Variants in CCDC180 observed in about 807,000 individuals in gnomAD.
CCDC180 encodes the protein coiled-coil domain containing 180.
In CCDC180, 154 loss-of-function variants were observed where a neutral mutation model predicts 209.2. The observed-to-expected ratio is 0.74, with a 90% confidence interval of 0.65 to 0.84. CCDC180 has a LOEUF of 0.84. Among genes scored for constraint, CCDC180 ranks in the 40% least tolerant of loss-of-function variants. The pLI, the probability that CCDC180 is intolerant of heterozygous loss-of-function variation, is 0.00. For synonymous variants in CCDC180, 778 were observed against 749.1 expected, an observed-to-expected ratio of 1.04 and a Z score of -0.63; for missense variants, 1,874 against 1,997.3, an observed-to-expected ratio of 0.94 and a Z score of 1.18.
chr9:97,320,235 A>G, intron 11 of CCDC180, 30 bp downstream of exon 11: 1 of 1,585,128 alleles, frequency 6.3e-7, no homozygotes, highest in East Asian at 2.2e-5. Context: ...CTCCACCTGC[A>G]TTTCTCCAGA....
chr9:97,367,434 A>G (rs1826954275), intron 31 of CCDC180, among the ~76,000 whole-genome samples: 1 of 151,384 alleles, frequency 6.6e-6, no homozygotes, highest in Non-Finnish European at 1.5e-5. Context: ...ACCTTGGCCA[A>G]ATGATCTCAC....
At chr9:97,328,805 C>T (rs1825641156) in intron 16 of CCDC180, among the ~76,000 whole-genome samples, 1 of 152,198 alleles carries the variant, frequency 6.6e-6, no homozygotes, top group African/African-American at 2.4e-5. Flanking sequence ...TGGTTGCTGT[C>T]AAATACAGGA....
chr9:97,350,301 A>G, intron 21 of CCDC180, 108 bp from the exon 22 acceptor site: 1 of 1,101,866 alleles, frequency 9.1e-7, no homozygotes, highest in Non-Finnish European at 1.3e-6. Context: ...CATTATCGTG[A>G]CCGGCCCCTC....
Position 97,309,557 on chromosome 9 carries a change from G to T in CCDC180, c.213G>T (p.Met71Ile), listed in dbSNP as rs995494397. The T allele has an allele frequency of 3.1e-6, 5 of 1,593,066 alleles. No individual in the cohort carries two copies. Among genetic ancestry groups the T allele is most frequent in the Admixed American group, 1.8e-5 (1 of 56,270 alleles). Residue 71 changes from methionine (M) to isoleucine (I), a missense_variant, in exon 3 of 37, where the codon ATG (methionine) becomes ATT (isoleucine). Physicochemically the swap from Met to Ile is conservative, Grantham distance 10. Transcript: ENST00000529487. ...TGTCTCCCCGACAGCAGAAGTGGAT[G>T]CACAGCCTCCCCAACGACTGGATCA... ...EVMSPRQQKW[M>I]HSLPNDWIME...
Position 97,322,918 on chromosome 9 carries a change from T to G in CCDC180, c.1245T>G (p.Cys415Trp). The change falls in exon 12 of 37, where the codon TGT (cysteine) becomes TGG (tryptophan). Residue 415 changes from cysteine to tryptophan, a missense_variant. Cys to Trp is a radical substitution (Grantham distance 215, BLOSUM62 -2). Coordinates refer to ENST00000529487, the MANE Select transcript of CCDC180 (RefSeq NM_020893.6). ...AGTGCCTGATGCATGTGCAGAATTG[T>G]AAGGTGGGCACCCTTCCTGCAGGCC... ...WQECLMHVQN[C>W]KKQLLDWKAF... 1 of 1,613,630 alleles carries G rather than the reference T, an allele frequency of 6.2e-7. No homozygotes were observed. The highest frequency in any genetic ancestry group is 1.7e-4 in the Middle Eastern group (1 of 6,060).
chr9:97,358,525 G>A (rs1447163972), intron 25 of CCDC180, among the ~76,000 whole-genome samples: 23 of 152,032 alleles, frequency 1.5e-4, no homozygotes, highest in South Asian at 2.1e-4. Context: ...CCAAGCGTTC[G>A]CCTGGCTCTG....
Position 97,325,958 on chromosome 9 carries a change from G to C in CCDC180, c.1546-596G>C, listed in dbSNP as rs374032013. On this transcript the variant is annotated intron_variant, in intron 14 of 36. Coordinates refer to ENST00000529487, the MANE Select transcript of CCDC180 (RefSeq NM_020893.6). Reference sequence around the variant, plus strand: ...GTGACATCACATTCCCAAGGTGAGTGGGGGGAATAACTCCAAGTTCTCCTA... The same window carrying C: ...GTGACATCACATTCCCAAGGTGAGTCGGGGGAATAACTCCAAGTTCTCCTA... Among the ~76,000 whole-genome samples the C allele has an allele frequency of 2.8e-4, 43 of 152,270 alleles. No homozygotes were observed. In the South Asian group the frequency reaches 8.3e-3, roughly 29 times the overall value.
chr9:97,336,049 TTTAAG>T lies in CCDC180; in HGVS notation c.2274+5286_2274+5290del, dbSNP rs547654707. 8.1e-3 allele frequency among the ~76,000 whole-genome samples: 1,239 copies of T among 152,340 alleles called. 11 individuals are homozygous for T. Among genetic ancestry groups the T allele is most frequent in the African/African-American group, 0.028 (1,164 of 41,568 alleles). On this transcript the variant is annotated intron_variant, in intron 18 of 36. Transcript: ENST00000529487. ...TGTTTGATTTTTTCTTGTAAATTTGTTTAAGTTATTTGTAGATTCTGGATATTAGC... is the reference window on the plus strand; with the variant it reads ...TGTTTGATTTTTTCTTGTAAATTTGTTTATTTGTAGATTCTGGATATTAGC...
In CCDC180 at chr9:97,309,529, T is replaced by TG. The variant is rs756387081; in HGVS notation, c.186dup (p.Met63AspfsTer39). ...AAGGTGGAGACTCCTGAAGGGGAGG[T>TG]GATGTCTCCCCGACAGCAGAAGTGG... On this transcript the variant is annotated frameshift_variant, in exon 3 of 37. Coordinates refer to ENST00000529487, the MANE Select transcript of CCDC180 (RefSeq NM_020893.6). LOFTEE classifies it high-confidence loss of function. The TG allele has an allele frequency of 3.1e-5, 50 of 1,599,318 alleles. No homozygotes were observed. Among genetic ancestry groups the TG allele is most frequent in the Middle Eastern group, 3.3e-4 (2 of 6,058 alleles).
Position 97,354,666 on chromosome 9 carries a change from GTCA to G in CCDC180, c.3105_3107del (p.Ile1035del). 1.9e-6 allele frequency: 3 copies of G among 1,614,250 alleles called. No homozygotes were observed. The highest frequency in any genetic ancestry group is 2.5e-6 in the Non-Finnish European group (3 of 1,180,044). On this transcript the variant is annotated inframe_deletion, in exon 23 of 37. Transcript: ENST00000529487. ...TGCCCGGATAGAGTTGGTTGAAAGT[GTCA>G]TCATGCTCAACATGGAGAAGTTGGA... is the stretch of plus-strand genomic sequence containing the variant.
chr9:97,376,669 A>G, intron 36 of CCDC180, 94 bp from the exon 37 acceptor site: 1 of 1,422,690 alleles, frequency 7.0e-7, no homozygotes, highest in African/African-American at 1.4e-5. Flanking sequence ...GGAATGGGTT[A>G]AAAACCACCT....
In CCDC180 at chr9:97,320,047, G is replaced by A. The variant is rs1833304707; in HGVS notation, c.1080-79G>A. 2.8e-6 allele frequency: 3 copies of A among 1,059,250 alleles called. No homozygotes were observed. The Admixed American group carries it at 5.1e-5, about 18-fold the overall frequency. 65.6% of individuals were successfully genotyped at this position (1,059,250 alleles called of 1,614,324 possible). On this transcript the variant is annotated intron_variant, in intron 10 of 36. Transcript: ENST00000529487. ...TAAATCCATGATTTTCTGGAGCTAT[G>A]TTCCTTGAAGATGCTACCCATTTTG...
chr9:97,324,914 C>A, intron 13 of CCDC180, 105 bp from the exon 14 acceptor site: 2 of 1,056,858 alleles, frequency 1.9e-6, no homozygotes, highest in East Asian at 2.5e-5. Context: ...GGTGTCTGGG[C>A]AATACTGTTC....
At chr9:97,351,648 C>T (rs1166844536) in intron 22 of CCDC180, among the ~76,000 whole-genome samples, 2 of 151,628 alleles carry the variant, frequency 1.3e-5, no homozygotes, top group African/African-American at 4.8e-5. Flanking sequence ...AATATATTTT[C>T]TATGTGCCTG....
rs764850415 is a variant in CCDC180 at position 97,364,117 on chromosome 9, C to G, written c.3969C>G (p.Pro1323=). ...RKYRVLGDKP[P]PAAEDFKGII... is the part of the protein sequence containing the mutation. ...ACCGGGTGCTTGGGGACAAGCCTCC[C>G]CCTGCTGCCGAGTGAGTAACAACGC... The change falls in exon 29 of 37, where the codon CCC becomes CCG. Residue 1323 remains proline (P), a synonymous_variant. Coordinates refer to ENST00000529487, the MANE Select transcript of CCDC180 (RefSeq NM_020893.6). 3 of 1,613,988 alleles carry G rather than the reference C, an allele frequency of 1.9e-6. No individual in the cohort carries two copies. Among genetic ancestry groups the G allele is most frequent in the Admixed American group, 1.7e-5 (1 of 59,998 alleles).
At position 97,365,659 on chromosome 9, in the gene CCDC180, C is replaced by T. The variant is rs762603894; in HGVS notation, c.3981-14C>T. ...GACCAGGCCCCTCAGGGATCTGTCT[C>T]GTGTGTGTTGCAGGGATTTTAAGGG... is the stretch of plus-strand genomic sequence containing the variant. On this transcript the variant is annotated splice_polypyrimidine_tract_variant and intron_variant, in intron 29 of 36. Coordinates refer to ENST00000529487, the MANE Select transcript of CCDC180 (RefSeq NM_020893.6). The T allele has an allele frequency of 1.1e-5, 18 of 1,612,964 alleles. No homozygotes were observed. The East Asian group carries it at 2.9e-4, about 26-fold the overall frequency.
At position 97,370,710 on chromosome 9, in the gene CCDC180, C is replaced by T. The variant is rs1587837136; in HGVS notation, c.4420C>T (p.His1474Tyr). 6.8e-6 allele frequency: 11 copies of T among 1,614,098 alleles called. No homozygotes were observed. In the East Asian group the frequency reaches 2.5e-4, roughly 36 times the overall value. The change falls in exon 33 of 37, where the codon CAC becomes TAC. Residue 1474 changes from histidine to tyrosine, a missense_variant. By Grantham distance (83) the His-to-Tyr change is moderately conservative. Transcript: ENST00000529487. ...PVHFQEMESL[H>Y]LSEEERQEEL... is the part of the protein sequence containing the mutation. ...ACATTTCCAAGAAATGGAGTCTCTA[C>T]ACTTAAGTGAAGAGGAAAGGCAGGA...
intron 30 of CCDC180, 142 bp downstream of exon 30, chr9:97,365,881 C>T (rs1826907206): frequency 4.4e-6 from 3 of 685,480 alleles, no homozygotes; most frequent in Non-Finnish European, 2.5e-6. Flanking sequence ...GCTTCTGTCA[C>T]CTCCCTATGA....
At chr9:97,320,413 G>T (rs1319304730) in intron 11 of CCDC180, among the ~76,000 whole-genome samples, 1 of 152,074 alleles carries the variant, frequency 6.6e-6, no homozygotes, top group Middle Eastern at 3.2e-3. Flanking sequence ...TACACTAGCC[G>T]CACCCTATGA....
Sources: allele counts gnomAD v4.1 joint callset (sites outside exome capture counted in the v4.1 genomes callset), GRCh38; gene constraint gnomAD v4.1.1; transcripts MANE v1.5; gene names NCBI Gene and HGNC (gene_info 2026-07-23, HGNC 2026-07-21).